The following ZBTB10 variants were observed in gnomAD, a reference collection of about 807,000 sequenced individuals.
ZBTB10 encodes the protein zinc finger and BTB domain containing 10.
ZBTB10 carries 32 observed loss-of-function variants against 76.4 expected under a neutral mutation model. The observed-to-expected ratio is 0.42, with a 90% confidence interval of 0.32 to 0.56. ZBTB10 has a LOEUF of 0.56. Ranked by LOEUF, ZBTB10 falls within the 20% of genes least tolerant of loss-of-function variation. ZBTB10 has a pLI of 0.14. For synonymous variants in ZBTB10, 523 were observed against 432.9 expected, an observed-to-expected ratio of 1.21 and a Z score of -2.58; for missense variants, 1,057 against 1,098.5, an observed-to-expected ratio of 0.96 and a Z score of 0.53.
At chr8:80,498,160 G>C (rs1815834358) in intron 1 of ZBTB10, among the ~76,000 whole-genome samples, 1 of 152,124 alleles carries the variant, frequency 6.6e-6, no homozygotes, top group Non-Finnish European at 1.5e-5. Flanking sequence ...TTTCGTGATT[G>C]TTTAGGGATC....
At position 80,486,729 on chromosome 8, in the gene ZBTB10, G is replaced by C. The variant is rs1815470098; in HGVS notation, c.-82G>C. The C allele has an allele frequency of 9.9e-7, 1 of 1,007,206 alleles. No homozygotes were observed. Among genetic ancestry groups the C allele is most frequent in the South Asian group, 4.5e-5 (1 of 22,352 alleles). 62.4% of individuals were successfully genotyped at this position (1,007,206 alleles called of 1,614,324 possible). On this transcript the variant is annotated 5_prime_UTR_variant, in exon 1 of 6. Coordinates refer to ENST00000455036, the MANE Select transcript of ZBTB10 (RefSeq NM_001105539.3). Reference sequence around the variant, plus strand: ...CCGGGGGCGGGGGCGAGACAGAGGGGGAGCCGCGGGGAGCGCGCGGGACGC... The same window carrying C: ...CCGGGGGCGGGGGCGAGACAGAGGGCGAGCCGCGGGGAGCGCGCGGGACGC...
At chr8:80,508,795 C>T (rs986033289) in intron 2 of ZBTB10, among the ~76,000 whole-genome samples, 15 of 152,144 alleles carry the variant, frequency 9.9e-5, no homozygotes, top group African/African-American at 3.6e-4. Context: ...ACTACCTTGT[C>T]TATAGGTATA....
chr8:80,517,230 T>C (rs1415226728), intron 3 of ZBTB10, among the ~76,000 whole-genome samples: 1 of 152,122 alleles, frequency 6.6e-6, no homozygotes, highest in Admixed American at 6.5e-5. Context: ...GAACAGACTC[T>C]AGGAAGGCAA....
At chr8:80,504,029 G>A (rs905462291) in intron 2 of ZBTB10, among the ~76,000 whole-genome samples, 3 of 152,096 alleles carry the variant, frequency 2.0e-5, no homozygotes, top group Non-Finnish European at 4.4e-5. Context: ...CCTTCCCAAG[G>A]TCATTCAGCT....
Position 80,493,207 on chromosome 8 carries a change from G to GCGCGCA in ZBTB10, c.972+5426_972+5427insGCGCAC, listed in dbSNP as rs375071529. On this transcript the variant is annotated intron_variant, in intron 1 of 5. Transcript: ENST00000455036. ...TGTGCCTCAAAACGCGCGCGCGCGC[G>GCGCGCA]CACACACACACACACACACACACAC... Among the ~76,000 whole-genome samples the GCGCGCA allele has an allele frequency of 1.8e-3, 227 of 125,284 alleles. 1 individual carries two copies. The highest frequency in any genetic ancestry group is 4.3e-3 in the Middle Eastern group (1 of 234). 82.2% of individuals were successfully genotyped at this position (125,284 alleles called of 152,430 possible).
intron 1 of ZBTB10, among the ~76,000 whole-genome samples, chr8:80,489,761 T>A (rs17555568): frequency 0.065 from 9,851 of 152,266 alleles, 336 homozygotes; most frequent in African/African-American, 0.094. Flanking sequence ...CTGCAGGCCA[T>A]CTCCTTTCTT....
In ZBTB10 at chr8:80,487,550, A is replaced by G. The variant is rs961205264; in HGVS notation, c.740A>G (p.Gln247Arg). ...CCCAAGTCTCTAATGCAGAAGCTCC[A>G]ATGCTCCTTCCAGACCTCCTGGCTC... ...ARPKSLMQKLQCSFQTSWLKD... is the reference protein window; with the variant it reads ...ARPKSLMQKLRCSFQTSWLKD... The change falls in exon 1 of 6, where the codon CAA becomes CGA. Residue 247 changes from glutamine (Q) to arginine (R), a missense_variant. Physicochemically the swap from Gln to Arg is conservative, Grantham distance 43. Around this residue, in one of 5 missense-constraint regions of ZBTB10, gnomAD observed 556 missense variants for 451.7 expected, o/e 1.23. Coordinates refer to ENST00000455036, the MANE Select transcript of ZBTB10 (RefSeq NM_001105539.3). 6.2e-7 allele frequency: 1 copy of G among 1,602,334 alleles called. No individual in the cohort carries two copies. The highest frequency in any genetic ancestry group is 8.5e-7 in the Non-Finnish European group (1 of 1,174,396).
In ZBTB10 at chr8:80,486,850, C is replaced by G; in HGVS notation, c.40C>G (p.Arg14Gly). The G allele has an allele frequency of 6.6e-7, 1 of 1,506,856 alleles. No homozygotes were observed. The highest frequency in any genetic ancestry group is 8.9e-7 in the Non-Finnish European group (1 of 1,129,790). 93.3% of individuals were successfully genotyped at this position (1,506,856 alleles called of 1,614,324 possible). The change falls in exon 1 of 6, where the codon CGA becomes GGA. Residue 14 changes from arginine (R) to glycine (G), a missense_variant. Transcript: ENST00000455036. ...SEMNRRTLAF[R>G]GGGLVTASGG... is the part of the protein sequence containing the mutation. ...AATGAACCGCAGGACGCTGGCGTTC[C>G]GAGGAGGCGGGTTGGTCACCGCTAG...
chr8:80,519,165 C>T (rs1462782696), intron 5 of ZBTB10, 58 bp from the exon 6 acceptor site: 5 of 1,526,104 alleles, frequency 3.3e-6, no homozygotes, highest in Non-Finnish European at 4.4e-6. Flanking sequence ...TTGAGTGGTT[C>T]AAATGCATTC....
At chr8:80,493,745 G>A (rs912396275) in intron 1 of ZBTB10, among the ~76,000 whole-genome samples, 8 of 152,106 alleles carry the variant, frequency 5.3e-5, no homozygotes, top group African/African-American at 1.7e-4. Flanking sequence ...CAGGAGAATC[G>A]CTTCAACGCA....
rs1167218964 is a variant in ZBTB10 at position 80,500,034 on chromosome 8, C to T, written c.1513C>T (p.Arg505Trp). The change falls in exon 2 of 6, where the codon CGG becomes TGG. Residue 505 changes from arginine to tryptophan, a missense_variant. Physicochemically the swap from Arg to Trp is moderately radical, Grantham distance 101. Transcript: ENST00000455036. ...AAAAATTGCCAGTTTTTGGGCAACA[C>T]GGAATCTTACCAATTTGGCAAGTAA... The part of the protein sequence containing the change: ...DQKIASFWAT[R>W]NLTNLASNVK... 2.5e-5 allele frequency: 40 copies of T among 1,613,774 alleles called. No individual in the cohort carries two copies. Among genetic ancestry groups the T allele is most frequent in the Non-Finnish European group, 2.7e-5 (32 of 1,179,868 alleles).
intron 2 of ZBTB10, among the ~76,000 whole-genome samples, chr8:80,504,407 G>A (rs938279279): frequency 2.0e-5 from 3 of 152,124 alleles, no homozygotes; most frequent in East Asian, 1.9e-4. Context: ...TTCTAATAAC[G>A]CTGTCTTGTA....
At chr8:80,509,946 C>T (rs1001879528) in intron 2 of ZBTB10, among the ~76,000 whole-genome samples, 16 of 152,006 alleles carry the variant, frequency 1.1e-4, no homozygotes, top group East Asian at 5.8e-4. Flanking sequence ...CCATTGTACC[C>T]GTCCTTCCAT....
Position 80,524,008 on chromosome 8 carries a change from C to T in ZBTB10, c.*4480C>T, listed in dbSNP as rs1816500897. On this transcript the variant is annotated 3_prime_UTR_variant, in exon 6 of 6. Transcript: ENST00000455036. Reference sequence around the variant, plus strand: ...TTTGTCTGTGTATTTAGAAAATACACAAGAATCTTTATTCAAACCTAAAAA... The same window carrying T: ...TTTGTCTGTGTATTTAGAAAATACATAAGAATCTTTATTCAAACCTAAAAA... The T allele has an allele frequency of 6.6e-6, 1 of 151,996 alleles. No homozygotes were observed. The highest frequency in any genetic ancestry group is 2.4e-5 in the African/African-American group (1 of 41,432). The allele number at this position is 151,996 out of a possible 1,614,324, so 9.4% of individuals were successfully genotyped here. A position where few individuals can be genotyped will look rare whatever the true frequency, so the allele number is the denominator to read the frequency against.
In ZBTB10 at chr8:80,520,787, A is replaced by G. The variant is rs1816433082; in HGVS notation, c.*1259A>G. ...ATTCTGAGAAGCTTTATTATTCTATAAATTCTTCAGGGTACAAAGGGTGAC... is the reference window on the plus strand; with the variant it reads ...ATTCTGAGAAGCTTTATTATTCTATGAATTCTTCAGGGTACAAAGGGTGAC... On this transcript the variant is annotated 3_prime_UTR_variant, in exon 6 of 6. Coordinates refer to ENST00000455036, the MANE Select transcript of ZBTB10 (RefSeq NM_001105539.3). 1 of 151,822 alleles carries G rather than the reference A, an allele frequency of 6.6e-6. No individual in the cohort carries two copies. The highest frequency in any genetic ancestry group is 1.5e-5 in the Non-Finnish European group (1 of 67,854). The allele number at this position is 151,822 out of a possible 1,614,324, so 9.4% of individuals were successfully genotyped here. A position where few individuals can be genotyped will look rare whatever the true frequency, so the allele number is the denominator to read the frequency against.
intron 1 of ZBTB10, among the ~76,000 whole-genome samples, chr8:80,493,606 C>G (rs551410697): frequency 6.0e-4 from 90 of 150,004 alleles, no homozygotes; most frequent in African/African-American, 2.1e-3. Flanking sequence ...CATCTGAGGT[C>G]GGGAGTTCGA....
intron 1 of ZBTB10, among the ~76,000 whole-genome samples, chr8:80,489,614 T>TA (rs1348773579): frequency 1.3e-5 from 2 of 152,218 alleles, no homozygotes; most frequent in African/African-American, 4.8e-5. Flanking sequence ...AACCTTAAGG[T>TA]AGCCTCAGCT....
chr8:80,522,280 T>C lies in ZBTB10; in HGVS notation c.*2752T>C, dbSNP rs1816464662. 1 of 151,950 alleles carries C rather than the reference T, an allele frequency of 6.6e-6. No homozygotes were observed. Among genetic ancestry groups the C allele is most frequent in the Non-Finnish European group, 1.5e-5 (1 of 67,850 alleles). The allele number at this position is 151,950 out of a possible 1,614,324, so 9.4% of individuals were successfully genotyped here. On this transcript the variant is annotated 3_prime_UTR_variant, in exon 6 of 6. Transcript: ENST00000455036. The stretch of plus-strand genomic sequence containing the variant: ...AGGTAACAATGAAATACTCATAATT[T>C]TGTCTGTGGAACTCTGGCAGAATTA...
At chr8:80,506,549 C>G (rs895017816) in intron 2 of ZBTB10, among the ~76,000 whole-genome samples, 3 of 146,488 alleles carry the variant, frequency 2.0e-5, no homozygotes, top group African/African-American at 8.1e-5. Context: ...GAACTCCTGA[C>G]CTCAGGTGAT....
Sources: gnomAD v4.1 joint callset for allele counts (sites outside exome capture counted in the v4.1 genomes callset) on GRCh38, gnomAD v4.1.1 for gene constraint, gnomAD v4.1.1 regional missense constraint, MANE v1.5 for transcripts, NCBI Gene and HGNC (gene_info 2026-07-23, HGNC 2026-07-21) for gene names.